Variants in HS1BP3 observed in about 807,000 individuals in gnomAD.
The protein encoded by HS1BP3 is HCLS1-binding protein 3.
HS1BP3 carries 32 observed loss-of-function variants against 33.5 expected under a neutral mutation model. The observed-to-expected ratio is 0.95, with a 90% CI of 0.72 to 1.28. HS1BP3 has a LOEUF of 1.28. Ranked by LOEUF, HS1BP3 falls within the 50% of genes most tolerant of loss-of-function variation. The pLI is 0.00. For missense variants in HS1BP3, 486 were observed against 502.3 expected, an observed-to-expected ratio of 0.97 and a Z score of 0.31; for synonymous variants, 187 against 209.2, an observed-to-expected ratio of 0.89 and a Z score of 0.92.
intron 5 of HS1BP3, among the ~76,000 whole-genome samples, chr2:20,582,918 C>T (rs1693569270): frequency 6.6e-6 from 1 of 152,154 alleles, no homozygotes; most frequent in African/African-American, 2.4e-5. Flanking sequence ...AGCCTGCCTG[C>T]TCCAGCCAGG....
At chr2:20,588,012 C>G (rs573424315), downstream of HS1BP3, among the ~76,000 whole-genome samples, 4 of 152,012 alleles carry the variant, frequency 2.6e-5, no homozygotes, top group Admixed American at 6.6e-5. Flanking sequence ...ACATGGGACA[C>G]CTTGGGGTGG....
chr2:20,581,784 G>T (rs1693539784), intron 5 of HS1BP3, among the ~76,000 whole-genome samples: 1 of 152,196 alleles, frequency 6.6e-6, no homozygotes, highest in Non-Finnish European at 1.5e-5. Context: ...AGGTTCAAGT[G>T]GGGAAGAATC....
chr2:20,636,633 C>T (rs1199094887), intron 4 of HS1BP3: 2 of 152,180 alleles, frequency 1.3e-5, no homozygotes, highest in Non-Finnish European at 2.9e-5. Flanking sequence ...GAAAATATCC[C>T]AGTACAATAC....
chr2:20,627,837 C>G (rs4666318), intron 4 of HS1BP3, among the ~76,000 whole-genome samples: 48,101 of 152,018 alleles, frequency 0.32, 8,027 homozygotes, highest in East Asian at 0.59. Context: ...AAACTTTCAG[C>G]CTCTGGGGGC....
chr2:20,570,685 G>A (rs983084749), intron 5 of HS1BP3, among the ~76,000 whole-genome samples: 1 of 152,242 alleles, frequency 6.6e-6, no homozygotes, highest in Non-Finnish European at 1.5e-5. Context: ...AACTGCCCAA[G>A]TGAGTTCCCA....
chr2:20,622,062 GCTGCACAGCCAGAAGGAACAAAGC>G, intron 6 of HS1BP3: 1 of 600,036 alleles, frequency 1.7e-6, no homozygotes, highest in Non-Finnish European at 2.4e-6. Context: ...CCCTGGTGTG[GCTGCACAGCCAGAAGGAACAAAGC>G]CTTCTTAGCC....
rs74989670 is a variant in HS1BP3, at chr2:20,598,263, C to T, written c.182G>A (p.Trp61Ter). 0.011 allele frequency: 4,695 copies of T among 425,866 alleles called. 50 individuals carry two copies. The highest frequency in any genetic ancestry group is 0.017 in the Non-Finnish European group (3,504 of 207,260). The allele number at this position is 425,866 out of a possible 1,614,324, so 26.4% of individuals were successfully genotyped here. Residue 61 changes from tryptophan to a stop codon, truncating the protein, a stop_gained and splice_region_variant, in exon 3 of 4, where the codon TGG (tryptophan) becomes TAG (stop). Coordinates refer to the HS1BP3 transcript ENST00000415264. LOFTEE classifies it high-confidence loss of function. ...TTGTTTGCCTGCAACTAGATGGTCC[C>T]ACCTTCAGGGGATGAGAGACAGTGA...
chr2:20,597,897 C>T (rs917163163), intron 3 of HS1BP3, among the ~76,000 whole-genome samples: 3 of 152,112 alleles, frequency 2.0e-5, no homozygotes, highest in Admixed American at 6.5e-5. Flanking sequence ...ATGAGAGGGC[C>T]TGGCAGGGGA....
intron 5 of HS1BP3, among the ~76,000 whole-genome samples, chr2:20,578,114 C>A (rs1051553773): frequency 6.6e-6 from 1 of 152,202 alleles, no homozygotes; most frequent in Non-Finnish European, 1.5e-5. Flanking sequence ...AGGCAACTTG[C>A]TGATCCCTGG....
At chr2:20,578,502 C>T (rs1378337826) in intron 5 of HS1BP3, among the ~76,000 whole-genome samples, 1 of 152,204 alleles carries the variant, frequency 6.6e-6, no homozygotes, top group Non-Finnish European at 1.5e-5. Context: ...TGCCCGGAGG[C>T]TCTCGCAGGC....
At chr2:20,559,547 TAGGTGGATGAATGG>T (rs1692929409), downstream of HS1BP3, among the ~76,000 whole-genome samples, 1 of 149,446 alleles carries the variant, frequency 6.7e-6, no homozygotes, top group Admixed American at 6.6e-5. Flanking sequence ...CATGGATGGA[TAGGTGGATGAATGG>T]AGGTGGATGG....
rs115766421 is a variant in HS1BP3, at chr2:20,578,026, C to G, written c.303-17511G>C. Among the ~76,000 whole-genome samples the G allele has an allele frequency of 3.3e-3, 507 of 152,346 alleles. 3 individuals carry two copies. Among genetic ancestry groups the G allele is most frequent in the African/African-American group, 0.011 (476 of 41,590 alleles). ...CCATGGATCTGCAAAGACTGAGTAA[C>G]GTGCCTGATGTCTCATCATGATCCA... is the stretch of plus-strand genomic sequence containing the variant. On this transcript the variant is annotated intron_variant, in intron 5 of 5. Transcript: ENST00000446825.
chr2:20,639,492 T>G (rs1695270856), intron 3 of HS1BP3, among the ~76,000 whole-genome samples: 1 of 152,208 alleles, frequency 6.6e-6, no homozygotes, highest in Non-Finnish European at 1.5e-5. Flanking sequence ...TACTGGGTAG[T>G]TTAAAACAAC....
chr2:20,564,485 T>C (rs1558315173), intron 5 of HS1BP3, among the ~76,000 whole-genome samples: 1 of 152,168 alleles, frequency 6.6e-6, no homozygotes, highest in African/African-American at 2.4e-5. Flanking sequence ...TTTTGTTTTG[T>C]TTTGTTTTTG....
intron 1 of HS1BP3, among the ~76,000 whole-genome samples, chr2:20,648,120 GCTCACCC>G (rs1165636230): frequency 3.3e-5 from 5 of 152,224 alleles, no homozygotes; most frequent in Admixed American, 2.0e-4. Context: ...AGCTGCTGCA[GCTCACCC>G]CTCTTTTTCG....
intron 3 of HS1BP3, among the ~76,000 whole-genome samples, chr2:20,639,103 G>A (rs888668367): frequency 6.6e-6 from 1 of 152,270 alleles, no homozygotes; most frequent in Non-Finnish European, 1.5e-5. Context: ...GCACGGCAAG[G>A]AACTCTGCAG....
At chr2:20,591,773 A>G (rs1693821898), downstream of HS1BP3, among the ~76,000 whole-genome samples, 2 of 152,272 alleles carry the variant, frequency 1.3e-5, no homozygotes, top group Middle Eastern at 3.4e-3. Context: ...CATGTTGGCC[A>G]GGCTGGACTT....
intron 5 of HS1BP3, among the ~76,000 whole-genome samples, chr2:20,568,413 G>A (rs956057470): frequency 2.0e-5 from 3 of 152,170 alleles, no homozygotes; most frequent in Non-Finnish European, 4.4e-5. Context: ...GAGCCGGGCG[G>A]GTAATGGAGG....
chr2:20,635,052 G>T (rs1434910385), intron 4 of HS1BP3: 1 of 152,002 alleles, frequency 6.6e-6, no homozygotes, highest in East Asian at 1.9e-4. Flanking sequence ...GGCGGGGGTG[G>T]GCAGGGCTTA....
Sources: allele counts gnomAD v4.1 joint callset (sites outside exome capture counted in the v4.1 genomes callset), GRCh38; gene constraint gnomAD v4.1.1; transcripts MANE v1.5; gene names NCBI Gene and HGNC (gene_info 2026-07-23, HGNC 2026-07-21).